CNTN4: variants seen among roughly 807,000 people sequenced by gnomAD.
CNTN4 encodes contactin 4, also known as contactin-4.
Under a neutral mutation model 122.5 loss-of-function variants are expected in CNTN4, and 77 were observed. The observed-to-expected ratio is 0.63, with a 90% CI of 0.52 to 0.76. The LOEUF is 0.76. Ranked by LOEUF, CNTN4 falls within the 30% of genes least tolerant of loss-of-function variation. The probability of loss-of-function intolerance (pLI) is 0.00; values close to 1 mark genes in which losing one functional copy is unlikely to be tolerated. For synonymous variants in CNTN4, 512 were observed against 447.0 expected (o/e 1.15, Z -1.83); for missense variants, 1,256 against 1,259.1 (o/e 1.00, Z 0.04).
At chr3:2,889,472 T>G (rs574301079) in intron 10 of CNTN4, among the ~76,000 whole-genome samples, 5 of 152,194 alleles carry the variant, frequency 3.3e-5, no homozygotes, top group African/African-American at 1.2e-4. Context: ...ACACCACAGT[T>G]AACTGACTGC....
At chr3:2,682,795 C>T (rs151311921) in intron 4 of CNTN4, among the ~76,000 whole-genome samples, 331 of 152,236 alleles carry the variant, frequency 2.2e-3, no homozygotes, top group African/African-American at 7.8e-3. Flanking sequence ...CAGTGGCCTG[C>T]CTTTTAGCTA....
At chr3:2,591,655 C>T (rs2080498408) in intron 4 of CNTN4, among the ~76,000 whole-genome samples, 1 of 51,642 alleles carries the variant, frequency 1.9e-5, no homozygotes, top group African/African-American at 6.5e-5. Flanking sequence ...TGAGCCACCG[C>T]GCCCGGCCGA....
At chr3:2,504,373 G>A (rs138665505) in intron 3 of CNTN4, among the ~76,000 whole-genome samples, 118 of 152,118 alleles carry the variant, frequency 7.8e-4, no homozygotes, top group African/African-American at 2.4e-3. Context: ...AGTTGATATC[G>A]GCTTCTGTTT....
At chr3:2,187,281 A>T (rs2037315948) in intron 2 of CNTN4, among the ~76,000 whole-genome samples, 1 of 152,066 alleles carries the variant, frequency 6.6e-6, no homozygotes, top group African/African-American at 2.4e-5. Flanking sequence ...GGTTCCATTG[A>T]TCTATATCTC....
chr3:2,661,092 C>T (rs2150290478), intron 4 of CNTN4, among the ~76,000 whole-genome samples: 3 of 152,286 alleles, frequency 2.0e-5, no homozygotes, highest in African/African-American at 7.2e-5. Context: ...CCTCTATATC[C>T]TACTACTACC....
intron 14 of CNTN4, among the ~76,000 whole-genome samples, chr3:3,007,262 T>C (rs1043338321): frequency 2.1e-4 from 32 of 152,250 alleles, no homozygotes; most frequent in African/African-American, 7.7e-4. Context: ...ATATCTGTCC[T>C]GAATTCTGTT....
At chr3:2,816,650 G>A (rs540395521) in intron 6 of CNTN4, among the ~76,000 whole-genome samples, 148 of 150,784 alleles carry the variant, frequency 9.8e-4, no homozygotes, top group Non-Finnish European at 1.7e-3. Flanking sequence ...GTGAAACCCC[G>A]TCTCTACTAA....
At chr3:2,367,547 A>G (rs886417683) in intron 3 of CNTN4, among the ~76,000 whole-genome samples, 4 of 151,812 alleles carry the variant, frequency 2.6e-5, no homozygotes, top group Admixed American at 6.5e-5. Context: ...TTTTTGAGAC[A>G]GAGTTTTGCT....
chr3:2,973,887 A>G (rs540746811), intron 13 of CNTN4, among the ~76,000 whole-genome samples: 1 of 152,290 alleles, frequency 6.6e-6, no homozygotes, highest in South Asian at 2.1e-4. Flanking sequence ...ATACCATTGT[A>G]AGAGGAAGTT....
chr3:2,114,957 A>G (rs2033238360), intron 2 of CNTN4, among the ~76,000 whole-genome samples: 1 of 152,162 alleles, frequency 6.6e-6, no homozygotes, highest in Admixed American at 6.5e-5. Context: ...AGCCATTGAT[A>G]TTGTCATGGA....
chr3:2,333,209 T>C (rs1284938229), intron 2 of CNTN4, among the ~76,000 whole-genome samples: 3 of 152,190 alleles, frequency 2.0e-5, no homozygotes, highest in African/African-American at 7.2e-5. Context: ...ATCCCTAGGC[T>C]CTTAAGTGTC....
chr3:2,977,848 A>G (rs1035826151), intron 13 of CNTN4, among the ~76,000 whole-genome samples: 1 of 152,204 alleles, frequency 6.6e-6, no homozygotes, highest in African/African-American at 2.4e-5. Context: ...TGGATTGCAT[A>G]GGCCCTAATC....
chr3:2,294,490 G>T (rs2042237711), intron 2 of CNTN4, among the ~76,000 whole-genome samples: 1 of 151,974 alleles, frequency 6.6e-6, no homozygotes, highest in African/African-American at 2.4e-5. Context: ...AAATTGCTGG[G>T]CATGGTGGCA....
chr3:2,612,772 A>G (rs2081555222), intron 4 of CNTN4, among the ~76,000 whole-genome samples: 1 of 152,192 alleles, frequency 6.6e-6, no homozygotes, highest in African/African-American at 2.4e-5. Context: ...GTAATATGCC[A>G]ACATATAGAC....
At chr3:2,249,858 CATA>C (rs1377816646) in intron 2 of CNTN4, among the ~76,000 whole-genome samples, 28 of 151,950 alleles carry the variant, frequency 1.8e-4, no homozygotes, top group African/African-American at 6.5e-4. Flanking sequence ...TTATTTTCTA[CATA>C]ATGAGTGTTT....
intron 2 of CNTN4, among the ~76,000 whole-genome samples, chr3:2,290,489 T>C (rs1219140606): frequency 6.6e-6 from 1 of 152,090 alleles, no homozygotes; most frequent in African/African-American, 2.4e-5. Flanking sequence ...TCATTAACGA[T>C]GATGGTGAAG....
chr3:2,331,743 C>A (rs1049431082), intron 2 of CNTN4, among the ~76,000 whole-genome samples: 3 of 152,254 alleles, frequency 2.0e-5, no homozygotes, highest in Admixed American at 2.0e-4. Context: ...GGAACTCAGG[C>A]CACACAGGGG....
At chr3:2,884,187 C>T (rs536851683) in intron 9 of CNTN4, among the ~76,000 whole-genome samples, 224 of 152,228 alleles carry the variant, frequency 1.5e-3, no homozygotes, top group Non-Finnish European at 2.7e-3. Flanking sequence ...AATCCTCCCA[C>T]CTTTGCTCGT....
chr3:2,607,839 A>G (rs1559298431), intron 4 of CNTN4, among the ~76,000 whole-genome samples: 1 of 152,166 alleles, frequency 6.6e-6, no homozygotes, highest in Non-Finnish European at 1.5e-5. Context: ...GTAGGGTATC[A>G]ATTTATGATT....
Sources: gnomAD v4.1 joint callset for allele counts (sites outside exome capture counted in the v4.1 genomes callset) on GRCh38, gnomAD v4.1.1 for gene constraint, MANE v1.5 for transcripts, NCBI Gene and HGNC (gene_info 2026-07-23, HGNC 2026-07-21) for gene names.